The following STAT5B variants were observed in gnomAD, a reference collection of about 807,000 sequenced individuals.
STAT5B encodes signal transducer and activator of transcription 5B, also known as transcription factor STAT5B.
Under a neutral mutation model 107.8 loss-of-function variants are expected in STAT5B, and 21 were observed. The observed-to-expected ratio is 0.19, with a 90% CI of 0.14 to 0.28. The LOEUF (loss-of-function observed/expected upper bound fraction) is 0.28. STAT5B is among the 10% of genes least tolerant of loss of function. The pLI, the probability that STAT5B is intolerant of heterozygous loss-of-function variation, is 1.00. For missense variants in STAT5B, 565 were observed against 1,008.2 expected (o/e 0.56, Z 5.95); for synonymous variants, 325 against 401.7 (o/e 0.81, Z 2.28).
chr17:42,210,577 T>C, intron 13 of STAT5B, 80 bp from the exon 14 acceptor site: 1 of 1,313,518 alleles, frequency 7.6e-7, no homozygotes, highest in Non-Finnish European at 1.1e-6. Flanking sequence ...TTGGAAAAAT[T>C]AAATGGGAAA....
At chr17:42,215,876 C>T in intron 12 of STAT5B, 138 bp downstream of exon 12, 1 of 950,656 alleles carries the variant, frequency 1.1e-6, no homozygotes, top group Non-Finnish European at 1.6e-6. Flanking sequence ...ACCGCCTCGG[C>T]CTCCCAAAGT....
At chr17:42,225,005 G>GT in intron 3 of STAT5B, 137 bp from the exon 4 acceptor site, 3 of 804,464 alleles carry the variant, frequency 3.7e-6, no homozygotes, top group Non-Finnish European at 6.4e-6. Context: ...ACAGGAACAA[G>GT]AAGGCACATC....
At chr17:42,254,820 C>T (rs994208193) in intron 1 of STAT5B, among the ~76,000 whole-genome samples, 14 of 152,084 alleles carry the variant, frequency 9.2e-5, no homozygotes, top group African/African-American at 2.7e-4. Flanking sequence ...AAGGTCGGTG[C>T]GGTGGCTCAT....
upstream of STAT5B, among the ~76,000 whole-genome samples, chr17:42,278,351 G>A (rs113580981): frequency 3.2e-3 from 485 of 152,208 alleles, 1 homozygote; most frequent in Non-Finnish European, 4.7e-3. Context: ...AAATATTTTT[G>A]GAACAAATGC....
the STAT5B span, among the ~76,000 whole-genome samples, chr17:42,285,941 C>T: frequency 2.1e-3 from 325 of 152,172 alleles, 1 homozygote; most frequent in Admixed American, 4.3e-3. Context: ...GAGTGGGGGC[C>T]GGGCATGGTA....
At chr17:42,286,105 T>C in the STAT5B span, among the ~76,000 whole-genome samples, 1 of 151,922 alleles carries the variant, frequency 6.6e-6, no homozygotes, top group Non-Finnish European at 1.5e-5. Context: ...TGGTGGCACA[T>C]GCCTGTAATC....
At position 42,257,724 on chromosome 17, in the gene STAT5B, T is replaced by C. The variant is rs78671500; in HGVS notation, c.-11+18524A>G. Among the ~76,000 whole-genome samples the C allele has an allele frequency of 7.8e-4, 119 of 152,282 alleles. 4 individuals carry two copies. In the East Asian group the frequency reaches 0.022, roughly 29 times the overall value. Reference sequence around the variant, plus strand: ...AATTCACAATGGGACCACACACAAATAGCAGTACAGGGTGGTAGATAGCTA... The same window carrying C: ...AATTCACAATGGGACCACACACAAACAGCAGTACAGGGTGGTAGATAGCTA... On this transcript the variant is annotated intron_variant, in intron 1 of 18. Transcript: ENST00000293328.
At chr17:42,257,334 C>T (rs1427559794) in intron 1 of STAT5B, among the ~76,000 whole-genome samples, 1 of 152,006 alleles carries the variant, frequency 6.6e-6, no homozygotes, top group African/African-American at 2.4e-5. Context: ...TGTGTTCAAA[C>T]CAGTATCTGG....
Position 42,201,524 on chromosome 17 carries a change from GCACACACA to G in STAT5B, c.*206_*213del, listed in dbSNP as rs57573850. 846 of 617,378 alleles carry G rather than the reference GCACACACA, an allele frequency of 1.4e-3. 1 individual carries two copies. In the East Asian group the frequency reaches 0.019, roughly 14 times the overall value. The allele number at this position is 617,378 out of a possible 1,614,324, so 38.2% of individuals were successfully genotyped here. A position where few individuals can be genotyped will look rare whatever the true frequency, so the allele number is the denominator to read the frequency against. On this transcript the variant is annotated 3_prime_UTR_variant, in exon 19 of 19. Coordinates refer to ENST00000293328, the MANE Select transcript of STAT5B (RefSeq NM_012448.4). ...GAGAAACACCATAACGTGCAAACAC[GCACACACA>G]CACACACACACACACACACACAAAC...
At chr17:42,268,323 T>A (rs1598342595) in intron 1 of STAT5B, among the ~76,000 whole-genome samples, 1 of 152,216 alleles carries the variant, frequency 6.6e-6, no homozygotes, top group East Asian at 1.9e-4. Flanking sequence ...CAATACAGTA[T>A]ACATGTTCCA....
chr17:42,286,249 A>C, the STAT5B span, among the ~76,000 whole-genome samples: 1 of 151,600 alleles, frequency 6.6e-6, no homozygotes, highest in South Asian at 2.1e-4. Flanking sequence ...AAAAAAAAAA[A>C]AAAAAACCCA....
At position 42,201,137 on chromosome 17, in the gene STAT5B, A is replaced by G. The variant is rs1345051420; in HGVS notation, c.*601T>C. On this transcript the variant is annotated 3_prime_UTR_variant, in exon 19 of 19. Coordinates refer to ENST00000293328, the MANE Select transcript of STAT5B (RefSeq NM_012448.4). The stretch of plus-strand genomic sequence containing the variant: ...AAAGCTTGTGACTTCCCTTGCCCCA[A>G]CAATCTTTGTAGGTTGCCCCTTTTC... 2.5e-6 allele frequency: 1 copy of G among 406,570 alleles called. No homozygotes were observed. The highest frequency in any genetic ancestry group is 4.3e-6 in the Non-Finnish European group (1 of 230,576). 25.2% of individuals were successfully genotyped at this position (406,570 alleles called of 1,614,324 possible). A position where few individuals can be genotyped will look rare whatever the true frequency, so the allele number is the denominator to read the frequency against.
chr17:42,251,203 A>G (rs1024313984), intron 1 of STAT5B, among the ~76,000 whole-genome samples: 4 of 152,134 alleles, frequency 2.6e-5, no homozygotes, highest in African/African-American at 9.7e-5. Flanking sequence ...AATCAATCAG[A>G]AATTAGCCAA....
At chr17:42,216,526 GTTTTATT>G (rs1446996429) in intron 11 of STAT5B, among the ~76,000 whole-genome samples, 2 of 152,098 alleles carry the variant, frequency 1.3e-5, no homozygotes, top group Non-Finnish European at 2.9e-5. Context: ...GTTTGTTCAT[GTTTTATT>G]TTTTATTTTT....
At chr17:42,202,282 A>G in intron 18 of STAT5B, 58 bp downstream of exon 18, 1 of 1,601,084 alleles carries the variant, frequency 6.2e-7, no homozygotes, top group Non-Finnish European at 8.5e-7. Flanking sequence ...CCAGGGGTCC[A>G]GCCTGGGGCC....
upstream of STAT5B, among the ~76,000 whole-genome samples, chr17:42,280,971 A>G (rs181596394): frequency 5.6e-4 from 85 of 151,882 alleles, no homozygotes; most frequent in African/African-American, 1.9e-3. Context: ...TGACTCTACT[A>G]AAAATACCAA....
At chr17:42,275,718 T>C (rs941506150) in intron 1 of STAT5B, 1 of 151,756 alleles carries the variant, frequency 6.6e-6, no homozygotes, top group Non-Finnish European at 1.5e-5. Flanking sequence ...AACGTTCGTA[T>C]TTGTTGTCTT....
At chr17:42,208,759 T>C (rs2080105610) in intron 15 of STAT5B, among the ~76,000 whole-genome samples, 1 of 150,686 alleles carries the variant, frequency 6.6e-6, no homozygotes, top group Middle Eastern at 3.4e-3. Flanking sequence ...CGAGATGGAG[T>C]CTTGCTCTGT....
At chr17:42,213,214 A>AT (rs986136751) in intron 12 of STAT5B, among the ~76,000 whole-genome samples, 10 of 148,264 alleles carry the variant, frequency 6.7e-5, no homozygotes, top group South Asian at 2.1e-4. Flanking sequence ...TTCCACAATT[A>AT]TTTTTTTTTT....
Sources: gnomAD v4.1 joint callset for allele counts (sites outside exome capture counted in the v4.1 genomes callset) on GRCh38, gnomAD v4.1.1 for gene constraint, MANE v1.5 for transcripts, NCBI Gene and HGNC (gene_info 2026-07-23, HGNC 2026-07-21) for gene names.